The following GTPBP6 variants were observed in gnomAD, a reference collection of about 807,000 sequenced individuals.
GTPBP6 encodes the protein GTP binding protein 6, also known as putative GTP-binding protein 6.
Under a neutral mutation model 28.9 loss-of-function variants are expected in GTPBP6, and 33 were observed. That is an observed-to-expected ratio of 1.14 (90% CI 0.87 to 1.53). The LOEUF (loss-of-function observed/expected upper bound fraction) is 1.53, where lower values mean the gene tolerates loss of function less well. Among genes scored for constraint, GTPBP6 ranks in the 40% most tolerant of loss-of-function variants. The pLI, the probability that GTPBP6 is intolerant of heterozygous loss-of-function variation, is 0.00. For missense variants in GTPBP6, 507 were observed against 408.3 expected (o/e 1.24, Z -2.08); for synonymous variants, 231 against 192.7 (o/e 1.20, Z -1.65).
At chrX:309,291 G>A in intron 7 of GTPBP6, among the ~76,000 whole-genome samples, 1 of 152,102 alleles carries the variant, frequency 6.6e-6, no homozygotes, top group South Asian at 2.1e-4. Flanking sequence ...AGCACCCTAC[G>A]GCCGGGGGCA....
At position 307,376 on chromosome X, in the gene GTPBP6, C is replaced by T. The variant is rs200298702; in HGVS notation, c.1411G>A (p.Ala471Thr). Reference sequence around the variant, plus strand: ...GCCGCTCACCTGAGCTGCGCCCCTGCGAGCCTCACACGGAGAGTGAGGATC... The same window carrying T: ...GCCGCTCACCTGAGCTGCGCCCCTGTGAGCCTCACACGGAGAGTGAGGATC... Residue 471 changes from alanine to threonine, a missense_variant, in exon 9 of 10, where the codon GCA becomes ACA. Physicochemically the swap from Ala to Thr is moderately conservative, Grantham distance 58. Coordinates refer to ENST00000326153, the Ensembl canonical transcript of GTPBP6. 3.8e-5 allele frequency: 61 copies of T among 1,612,352 alleles called. No homozygotes were observed. In the East Asian group the frequency reaches 3.8e-4, roughly 10 times the overall value.
At chrX:313,633 G>A (rs2070360426) in intron 5 of GTPBP6, among the ~76,000 whole-genome samples, 1 of 152,142 alleles carries the variant, frequency 6.6e-6, no homozygotes, top group Non-Finnish European at 1.5e-5. Context: ...ATTAGGGCGG[G>A]CCATAAATGC....
In GTPBP6 at chrX:312,837, C is replaced by A. The variant is rs780974479; in HGVS notation, c.845G>T (p.Arg282Met). The A allele has an allele frequency of 9.7e-5, 156 of 1,612,884 alleles. 2 individuals are homozygous for A. In the Admixed American group the frequency reaches 2.6e-3, roughly 26 times the overall value. ...CGTCCGCTGCCGGCGGAGCAGGTGC[C>A]TCTTCTTGCGAAGCCTGTCCAAGGC... Residue 282 changes from arginine (R) to methionine (M), a missense_variant, in exon 6 of 10, where the codon AGG becomes ATG. Coordinates refer to ENST00000326153, the Ensembl canonical transcript of GTPBP6.
At chrX:305,028 C>T in exon 10 of GTPBP6, 2 of 1,604,244 alleles carry the variant, frequency 1.2e-6, no homozygotes, top group Non-Finnish European at 8.5e-7. Context: ...GCCTCAGCTC[C>T]CCAGGCAGCG....
At chrX:305,736 G>A (rs913215251) in intron 9 of GTPBP6, among the ~76,000 whole-genome samples, 12 of 140,272 alleles carry the variant, frequency 8.6e-5, no homozygotes, top group East Asian at 2.2e-4. Flanking sequence ...GCAATTCTCC[G>A]GCCTTAGCCT....
exon 5 of GTPBP6, chrX:314,189 G>C: frequency 1.2e-6 from 2 of 1,613,630 alleles, no homozygotes; most frequent in South Asian, 1.1e-5. Context: ...CCTCGGTACA[G>C]GTGGGCGACG....
chrX:316,993 C>T (rs2070450901), exon 2 of GTPBP6: 1 of 398,630 alleles, frequency 2.5e-6, no homozygotes, highest in Admixed American at 4.4e-5. Flanking sequence ...TTGTCTGCAC[C>T]ACGGACCAGC....
At chrX:309,306 C>T (rs1434974558) in intron 7 of GTPBP6, among the ~76,000 whole-genome samples, 11 of 152,236 alleles carry the variant, frequency 7.2e-5, no homozygotes, top group Admixed American at 3.9e-4. Context: ...GGGGCAGTTC[C>T]GGAGCCAAAC....
exon 10 of GTPBP6, chrX:304,831 C>T: frequency 2.9e-6 from 4 of 1,398,278 alleles, no homozygotes; most frequent in South Asian, 1.7e-5. Context: ...CACCGAGGGC[C>T]CACTGGAATT....
intron 1 of GTPBP6, among the ~76,000 whole-genome samples, chrX:317,337 G>T (rs1236538212): frequency 1.3e-4 from 20 of 152,002 alleles, no homozygotes; most frequent in Non-Finnish European, 2.1e-4. Context: ...GGTGCTCAGG[G>T]GATTACTGAG....
At chrX:314,640 T>C (rs1226770034) in intron 4 of GTPBP6, among the ~76,000 whole-genome samples, 1 of 151,952 alleles carries the variant, frequency 6.6e-6, no homozygotes, top group Non-Finnish European at 1.5e-5. Context: ...GCCCGGCTAA[T>C]TTTTTTCTTG....
At chrX:317,914 C>G (rs1388285664) in intron 1 of GTPBP6, among the ~76,000 whole-genome samples, 1 of 145,100 alleles carries the variant, frequency 6.9e-6, no homozygotes, top group Non-Finnish European at 1.5e-5. Context: ...CCCACCCATG[C>G]ACCTCCACCT....
At chrX:314,114 A>G in intron 5 of GTPBP6, 36 bp downstream of exon 5, 1 of 1,550,072 alleles carries the variant, frequency 6.5e-7, no homozygotes, top group South Asian at 1.1e-5. Flanking sequence ...CCGCATTCCG[A>G]GGACCCTCTG....
At chrX:313,047 C>T (rs1346118382) in intron 5 of GTPBP6, 123 bp from the exon 6 acceptor site, 3 of 771,688 alleles carry the variant, frequency 3.9e-6, no homozygotes, top group Non-Finnish European at 6.2e-6. Context: ...GGGGGCCCGG[C>T]TGCTTTCCCC....
chrX:313,773 G>A (rs1281020608), intron 5 of GTPBP6, among the ~76,000 whole-genome samples: 3 of 152,146 alleles, frequency 2.0e-5, no homozygotes, highest in Non-Finnish European at 4.4e-5. Flanking sequence ...CCCAGGAGCT[G>A]GGAGAGGCAG....
intron 9 of GTPBP6, 32 bp from the exon 10 acceptor site, chrX:305,229 G>A (rs755784906): frequency 8.6e-6 from 13 of 1,510,142 alleles, no homozygotes; most frequent in Non-Finnish European, 1.2e-5. Context: ...ATGGAGACAA[G>A]CAGAACCCGT....
chrX:314,981 G>A (rs1474764957), exon 4 of GTPBP6: 16 of 398,584 alleles, frequency 4.0e-5, no homozygotes, highest in Non-Finnish European at 6.6e-5. Flanking sequence ...ACCGTGAAGC[G>A]GTCAAACACC....
At chrX:317,715 C>T (rs1471623161) in intron 1 of GTPBP6, among the ~76,000 whole-genome samples, 1 of 131,180 alleles carries the variant, frequency 7.6e-6, no homozygotes, top group African/African-American at 3.0e-5. Context: ...CACCCCACCC[C>T]ACCCCACCCC....
intron 2 of GTPBP6, 46 bp from the exon 3 acceptor site, chrX:315,345 G>A (rs1481619122): frequency 1.7e-4 from 68 of 398,564 alleles, no homozygotes; most frequent in African/African-American, 1.1e-3. Context: ...GTCCACACCC[G>A]TGGACTGTGG....
Sources: gnomAD v4.1 joint callset for allele counts (sites outside exome capture counted in the v4.1 genomes callset) on GRCh38, gnomAD v4.1.1 for gene constraint, MANE v1.5 for transcripts, NCBI Gene and HGNC (gene_info 2026-07-23, HGNC 2026-07-21) for gene names.